Variants in CHD4 observed in about 807,000 individuals in gnomAD.
The protein encoded by CHD4 is ATP-dependent chromatin remodeler CHD4.
In CHD4, 35 loss-of-function variants were observed where a neutral mutation model predicts 235.5. The ratio of observed to expected loss-of-function variants is 0.15; its 90% CI spans 0.11 to 0.20. The LOEUF is 0.20. Among genes scored for constraint, CHD4 ranks in the 10% least tolerant of loss-of-function variants. The pLI is 1.00. For synonymous variants in CHD4, 900 were observed against 850.2 expected (o/e 1.06, Z -1.02); for missense variants, 1,329 against 2,432.3 (o/e 0.55, Z 9.54).
At chr12:6,600,875 C>G (rs777670256) in intron 7 of CHD4, 51 bp downstream of exon 7, 1 of 1,531,518 alleles carries the variant, frequency 6.5e-7, no homozygotes, top group Admixed American at 2.2e-5. Flanking sequence ...AAGGTCACAT[C>G]CTTTCTATTA....
intron 25 of CHD4, among the ~76,000 whole-genome samples, chr12:6,585,933 A>C (rs368117224): frequency 9.2e-5 from 14 of 151,728 alleles, no homozygotes; most frequent in East Asian, 3.9e-4. Flanking sequence ...CCCCGTTTCT[A>C]CTAAAACTAT....
At position 6,601,332 on chromosome 12, in the gene CHD4, AGGG is replaced by A. The variant is rs766785512; in HGVS notation, c.753_755del (p.Pro252del). On this transcript the variant is annotated inframe_deletion, in exon 6 of 40. Transcript: ENST00000544040. ...TGGCCTTGCGGATAGGCACCTCCAC[AGGG>A]GGAGGTGGTGGTGCAACCTCAGTGG... 3 of 1,613,886 alleles carry A rather than the reference AGGG, an allele frequency of 1.9e-6. No individual in the cohort carries two copies. Among genetic ancestry groups the A allele is most frequent in the Non-Finnish European group, 2.5e-6 (3 of 1,179,880 alleles).
intron 25 of CHD4, 132 bp from the exon 26 acceptor site, chr12:6,583,510 G>A: frequency 2.7e-6 from 2 of 753,502 alleles, no homozygotes; most frequent in Non-Finnish European, 2.1e-6. Context: ...TGCCTGTTTG[G>A]ACCTAAGAAC....
At chr12:6,588,530 C>A in intron 22 of CHD4, 108 bp from the exon 23 acceptor site, 1 of 1,263,616 alleles carries the variant, frequency 7.9e-7, no homozygotes, top group Non-Finnish European at 1.1e-6. Flanking sequence ...GTAATCTCAG[C>A]ACTTTGGGAG....
intron 33 of CHD4, chr12:6,580,766 T>G: frequency 3.2e-6 from 1 of 315,294 alleles, no homozygotes; most frequent in Non-Finnish European, 5.6e-6. Context: ...CCCAGCAATC[T>G]GGGAGGCAAA....
intron 2 of CHD4, 51 bp downstream of exon 2, chr12:6,606,223 G>C (rs377091231): frequency 7.1e-6 from 9 of 1,261,262 alleles, no homozygotes; most frequent in African/African-American, 6.1e-5. Context: ...AGTCACTCGG[G>C]AGAGCCCCAG....
At chr12:6,603,734 C>T (rs1035877744) in intron 2 of CHD4, among the ~76,000 whole-genome samples, 1 of 152,076 alleles carries the variant, frequency 6.6e-6, no homozygotes, top group Non-Finnish European at 1.5e-5. Flanking sequence ...GAGAAGAACT[C>T]GATCACTCCC....
At position 6,601,341 on chromosome 12, in the gene CHD4, T is replaced by A. The variant is rs777343633; in HGVS notation, c.747A>T (p.Pro249=). 31 of 1,613,802 alleles carry A rather than the reference T, an allele frequency of 1.9e-5. 1 individual carries two copies. The South Asian group carries it at 3.1e-4, about 16-fold the overall frequency. The change falls in exon 6 of 40, where the codon CCA becomes CCT. Residue 249 remains proline, a synonymous_variant. Coordinates refer to ENST00000544040, the MANE Select transcript of CHD4 (RefSeq NM_001273.5). ...GGATAGGCACCTCCACAGGGGGAGG[T>A]GGTGGTGCAACCTCAGTGGCTGTCA... ...SMVTATEVAP[P]PPPVEVPIRK...
chr12:6,578,108 G>A lies in CHD4; in HGVS notation c.5149C>T (p.Arg1717Trp), dbSNP rs1408225667. 4 of 1,612,894 alleles carry A rather than the reference G, an allele frequency of 2.5e-6. No homozygotes were observed. Among genetic ancestry groups the A allele is most frequent in the Non-Finnish European group, 3.4e-6 (4 of 1,180,016 alleles). The part of the protein sequence containing the change: ...ELHSLWQNEE[R>W]AATVTKKTYE... ...GTCTTCTTGGTAACTGTGGCTGCCCGCTCTTCATTCTGCCAAAGGGAGTGC... is the reference window on the plus strand; with the variant it reads ...GTCTTCTTGGTAACTGTGGCTGCCCACTCTTCATTCTGCCAAAGGGAGTGC... Residue 1717 changes from arginine to tryptophan, a missense_variant, in exon 36 of 40, where the codon CGG becomes TGG. Arg to Trp is a moderately radical substitution (Grantham distance 101). Around this residue, in one of 26 missense-constraint regions of CHD4, gnomAD observed 135 missense variants for 282.3 expected, o/e 0.48. Coordinates refer to ENST00000544040, the MANE Select transcript of CHD4 (RefSeq NM_001273.5).
chr12:6,578,320 G>A, intron 35 of CHD4, 89 bp downstream of exon 35: 1 of 1,492,106 alleles, frequency 6.7e-7, no homozygotes, highest in Non-Finnish European at 9.2e-7. Context: ...CAGAGGTAAA[G>A]AGGTAAAGTC....
At chr12:6,577,757 A>G (rs1429042824) in intron 37 of CHD4, 28 bp downstream of exon 37, 5 of 1,612,906 alleles carry the variant, frequency 3.1e-6, no homozygotes, top group Non-Finnish European at 3.4e-6. Flanking sequence ...TTGTCACTTA[A>G]GCAATATATT....
At chr12:6,585,662 G>A (rs1948275722) in intron 25 of CHD4, among the ~76,000 whole-genome samples, 2 of 151,302 alleles carry the variant, frequency 1.3e-5, no homozygotes, top group East Asian at 2.0e-4. Flanking sequence ...GGTGGCACGT[G>A]CCTGTAGTCC....
At chr12:6,600,448 A>AC (rs1161030698) in intron 8 of CHD4, 53 bp from the exon 9 acceptor site, 2 of 687,652 alleles carry the variant, frequency 2.9e-6, no homozygotes, top group South Asian at 1.6e-5. Flanking sequence ...ACCTCCCCCC[A>AC]CCCCCCGACC....
At position 6,593,876 on chromosome 12, in the gene CHD4, C is replaced by A. The variant is rs1396205601; in HGVS notation, c.2314-260G>T. On this transcript the variant is annotated intron_variant, in intron 15 of 39. Transcript: ENST00000544040. This position sits in a 1 kb window ranked among gnomAD's most constrained non-coding sequence, Gnocchi z 4.9. Reference sequence around the variant, plus strand: ...CTGAGACGGAGTTTCACTCTTGTTGCCCAGGCTGGAGTGCAATGGCGCAAT... The same window carrying A: ...CTGAGACGGAGTTTCACTCTTGTTGACCAGGCTGGAGTGCAATGGCGCAAT... Among the ~76,000 whole-genome samples, 1 of 152,184 alleles carries A rather than the reference C, an allele frequency of 6.6e-6. No individual in the cohort carries two copies. Among genetic ancestry groups the A allele is most frequent in the African/African-American group, 2.4e-5 (1 of 41,440 alleles).
At chr12:6,594,169 C>T (rs1948446024) in intron 15 of CHD4, among the ~76,000 whole-genome samples, 1 of 152,112 alleles carries the variant, frequency 6.6e-6, no homozygotes, top group African/African-American at 2.4e-5. Context: ...CATAATTCTA[C>T]TTCCCTCAAC....
chr12:6,576,675 G>A (rs1026039991), intron 37 of CHD4, among the ~76,000 whole-genome samples: 3 of 151,708 alleles, frequency 2.0e-5, no homozygotes, highest in Non-Finnish European at 2.9e-5. Context: ...GTGCGATCTC[G>A]GCTCACTGCA....
At chr12:6,585,495 G>A (rs948375185) in intron 25 of CHD4, among the ~76,000 whole-genome samples, 5 of 151,780 alleles carry the variant, frequency 3.3e-5, no homozygotes, top group African/African-American at 7.3e-5. Flanking sequence ...TGTTAGCCAG[G>A]ATGGGCTCGA....
intron 37 of CHD4, 103 bp downstream of exon 37, chr12:6,577,682 A>T: frequency 6.8e-7 from 1 of 1,465,766 alleles, no homozygotes; most frequent in Admixed American, 1.9e-5. Flanking sequence ...TAGAATGAAG[A>T]AAGTGAGAAC....
chr12:6,605,587 A>G (rs1414747051), intron 2 of CHD4, among the ~76,000 whole-genome samples: 3 of 152,082 alleles, frequency 2.0e-5, no homozygotes. Flanking sequence ...ACTAGGAAAA[A>G]AGCCAAAACT....
Sources: gnomAD v4.1 joint callset for allele counts (sites outside exome capture counted in the v4.1 genomes callset) on GRCh38, gnomAD v4.1.1 for gene constraint, gnomAD v4.1.1 regional missense constraint, Gnocchi (gnomAD v3.1) non-coding constraint, MANE v1.5 for transcripts, NCBI Gene and HGNC (gene_info 2026-07-23, HGNC 2026-07-21) for gene names.